The following LDLRAD3 variants were observed in gnomAD, a reference collection of about 807,000 sequenced individuals.
LDLRAD3 encodes low-density lipoprotein receptor class A domain-containing protein 3.
LDLRAD3 carries 20 observed loss-of-function variants against 29.4 expected under a neutral mutation model. The observed-to-expected ratio is 0.68, with a 90% CI of 0.48 to 0.99. The LOEUF is 0.99. Ranked by LOEUF, LDLRAD3 falls within the 50% of genes least tolerant of loss-of-function variation. The probability of loss-of-function intolerance (pLI) is 0.00; values close to 1 mark genes in which losing one functional copy is unlikely to be tolerated. For missense variants in LDLRAD3, 420 were observed against 454.3 expected (o/e 0.92, Z 0.69); for synonymous variants, 157 against 192.7 (o/e 0.81, Z 1.53).
chr11:36,152,215 T>C (rs1413541785), intron 4 of LDLRAD3, among the ~76,000 whole-genome samples: 3 of 152,246 alleles, frequency 2.0e-5, no homozygotes, highest in Admixed American at 2.0e-4. Context: ...CACGTGCTCC[T>C]GAAAGCTGTG....
chr11:36,222,195 A>G (rs1454500019), intron 4 of LDLRAD3, among the ~76,000 whole-genome samples: 1 of 152,118 alleles, frequency 6.6e-6, no homozygotes, highest in Non-Finnish European at 1.5e-5. Flanking sequence ...TAGCCTCCTG[A>G]GTAGCTGGGA....
At chr11:36,163,247 T>C (rs1590322119) in intron 4 of LDLRAD3, 1 of 152,222 alleles carries the variant, frequency 6.6e-6, no homozygotes, top group Non-Finnish European at 1.5e-5. Context: ...CTGTAATTGG[T>C]AGATGGATTG....
In LDLRAD3 at chr11:35,988,435, C is replaced by T. The variant is rs187347231; in HGVS notation, c.46+44291C>T. ...ATGAGGTTATTTGATTTTTGCTTTT[C>T]GAATTAAGTTCCTTATGGATTCTGG... On this transcript the variant is annotated intron_variant, in intron 1 of 5. Coordinates refer to ENST00000315571, the MANE Select transcript of LDLRAD3 (RefSeq NM_174902.4). Among the ~76,000 whole-genome samples the T allele has an allele frequency of 1.3e-3, 204 of 152,168 alleles. 1 individual carries two copies. The highest frequency in any genetic ancestry group is 2.4e-3 in the Non-Finnish European group (160 of 68,004).
At chr11:36,076,591 T>C (rs1590247097) in intron 2 of LDLRAD3, among the ~76,000 whole-genome samples, 1 of 152,172 alleles carries the variant, frequency 6.6e-6, no homozygotes, top group Non-Finnish European at 1.5e-5. Context: ...TTTCACCATC[T>C]TGGCCAGGCT....
At chr11:36,206,424 G>A (rs1236970384) in intron 4 of LDLRAD3, among the ~76,000 whole-genome samples, 2 of 152,188 alleles carry the variant, frequency 1.3e-5, no homozygotes, top group Non-Finnish European at 2.9e-5. Flanking sequence ...AGCTATGTCC[G>A]TAACTCTACA....
intron 4 of LDLRAD3, among the ~76,000 whole-genome samples, chr11:36,119,507 GTT>G (rs34921040): frequency 1.4e-5 from 2 of 147,526 alleles, no homozygotes; most frequent in Non-Finnish European, 3.0e-5. Flanking sequence ...TCTCTGTGTT[GTT>G]TTTTTTTTTG....
chr11:36,042,417 C>T (rs538390756), intron 2 of LDLRAD3, among the ~76,000 whole-genome samples: 37 of 152,242 alleles, frequency 2.4e-4, no homozygotes, highest in African/African-American at 8.7e-4. Context: ...TTCTCTTGGG[C>T]CGTTCTGTCA....
At chr11:35,992,183 G>A (rs1197294250) in intron 1 of LDLRAD3, among the ~76,000 whole-genome samples, 1 of 152,098 alleles carries the variant, frequency 6.6e-6, no homozygotes, top group East Asian at 1.9e-4. Context: ...AGCAGTATTG[G>A]CCACAGAGAT....
intron 4 of LDLRAD3, among the ~76,000 whole-genome samples, chr11:36,146,225 A>G (rs1013207271): frequency 3.3e-5 from 5 of 152,204 alleles, no homozygotes; most frequent in Admixed American, 6.5e-5. Flanking sequence ...CACCCTGTGC[A>G]CTTACCTCCC....
Position 36,144,668 on chromosome 11 carries a change from A to G in LDLRAD3, c.454+46207A>G, listed in dbSNP as rs867585942. On this transcript the variant is annotated intron_variant, in intron 4 of 5. Coordinates refer to ENST00000315571, the MANE Select transcript of LDLRAD3 (RefSeq NM_174902.4). ...CTCCGCCCGGCAGCCACACCGTCTG[A>G]GAAGTGAGGAGCCCCTCCGCCCGGC... Among the ~76,000 whole-genome samples, 88 of 55,454 alleles carry G rather than the reference A, an allele frequency of 1.6e-3. 5 individuals are homozygous for G. The highest frequency in any genetic ancestry group is 7.1e-3 in the African/African-American group (68 of 9,522). 36.4% of individuals were successfully genotyped at this position (55,454 alleles called of 152,430 possible).
chr11:36,091,372 G>A (rs1197498527), intron 3 of LDLRAD3, among the ~76,000 whole-genome samples: 1 of 152,160 alleles, frequency 6.6e-6, no homozygotes, highest in East Asian at 1.9e-4. Flanking sequence ...TCTTGAAGCA[G>A]GTCAGTTGCT....
chr11:36,152,727 A>G (rs944319716), intron 4 of LDLRAD3, among the ~76,000 whole-genome samples: 1 of 152,178 alleles, frequency 6.6e-6, no homozygotes, highest in Non-Finnish European at 1.5e-5. Context: ...TTTTAGGATA[A>G]ATAGTTGGGA....
Position 36,158,036 on chromosome 11 carries a change from G to A in LDLRAD3, c.454+59575G>A, listed in dbSNP as rs185161220. 8.2e-3 allele frequency among the ~76,000 whole-genome samples: 1,252 copies of A among 152,268 alleles called. 10 individuals are homozygous for A. Among genetic ancestry groups the A allele is most frequent in the Non-Finnish European group, 0.013 (852 of 68,018 alleles). ...CAGATAGGAAGTCATTCTACATTCA[G>A]CACACTGACGCAGGTATTTTTTAAT... On this transcript the variant is annotated intron_variant, in intron 4 of 5. Coordinates refer to ENST00000315571, the MANE Select transcript of LDLRAD3 (RefSeq NM_174902.4).
Position 36,057,717 on chromosome 11 carries a change from A to G in LDLRAD3, c.193+21468A>G, listed in dbSNP as rs981355791. ...TCCCTGGATCGTCAGTTGCCTGGAA[A>G]TGAATTCTGACCTTTCCATCTAATA... On this transcript the variant is annotated intron_variant, in intron 2 of 5. Transcript: ENST00000315571. 3.3e-5 allele frequency among the ~76,000 whole-genome samples: 5 copies of G among 152,322 alleles called. No homozygotes were observed. In the East Asian group the frequency reaches 9.6e-4, roughly 29 times the overall value.
intron 4 of LDLRAD3, among the ~76,000 whole-genome samples, chr11:36,099,911 A>G (rs184594413): frequency 6.6e-6 from 1 of 152,240 alleles, no homozygotes; most frequent in African/African-American, 2.4e-5. Context: ...TTAGCTTCTG[A>G]TTGTCTTTGC....
At chr11:36,223,647 G>T (rs1459266165) in intron 4 of LDLRAD3, among the ~76,000 whole-genome samples, 1 of 152,208 alleles carries the variant, frequency 6.6e-6, no homozygotes, top group Non-Finnish European at 1.5e-5. Context: ...TCGAGCCCAG[G>T]AGGTTGAAGC....
At chr11:36,156,340 C>T (rs925928948) in intron 4 of LDLRAD3, among the ~76,000 whole-genome samples, 1 of 152,174 alleles carries the variant, frequency 6.6e-6, no homozygotes, top group Non-Finnish European at 1.5e-5. Context: ...AAACTCAAAG[C>T]CCAAGTTTGT....
At chr11:36,202,776 CA>C (rs1855145722) in intron 4 of LDLRAD3, among the ~76,000 whole-genome samples, 1 of 152,166 alleles carries the variant, frequency 6.6e-6, no homozygotes, top group South Asian at 2.1e-4. Context: ...ATAGATGTCC[CA>C]GGGGCACCTA....
intron 4 of LDLRAD3, among the ~76,000 whole-genome samples, chr11:36,171,218 T>G (rs186474176): frequency 6.6e-5 from 10 of 152,358 alleles, no homozygotes; most frequent in Non-Finnish European, 1.2e-4. Context: ...ATGCATAGTT[T>G]GCAAAGATTT....
Sources: allele counts gnomAD v4.1 joint callset (sites outside exome capture counted in the v4.1 genomes callset), GRCh38; gene constraint gnomAD v4.1.1; transcripts MANE v1.5; gene names NCBI Gene and HGNC (gene_info 2026-07-23, HGNC 2026-07-21).